The following RELN variants were observed in gnomAD, a reference collection of about 807,000 sequenced individuals.
RELN encodes the protein reelin.
In RELN, 108 loss-of-function variants were observed where a neutral mutation model predicts 427.6. The ratio of observed to expected loss-of-function variants is 0.25; its 90% CI spans 0.22 to 0.30. RELN has a LOEUF of 0.30. Among genes scored for constraint, RELN ranks in the 10% least tolerant of loss-of-function variants. RELN has a pLI of 1.00. For synonymous variants in RELN, 1,524 were observed against 1,513.4 expected (o/e 1.01, Z -0.16); for missense variants, 3,715 against 4,302.8 (o/e 0.86, Z 3.82).
intron 3 of RELN, 101 bp from the exon 4 acceptor site, chr7:103,776,728 G>T: frequency 3.4e-6 from 4 of 1,177,100 alleles, no homozygotes; most frequent in Non-Finnish European, 5.0e-6. Flanking sequence ...ACTTTATTGT[G>T]TGGATATGAT....
intron 3 of RELN, among the ~76,000 whole-genome samples, chr7:103,794,745 G>C (rs905573697): frequency 6.6e-6 from 1 of 151,992 alleles, no homozygotes; most frequent in Non-Finnish European, 1.5e-5. Flanking sequence ...TTTGCTGTAG[G>C]GGGGCTTTCC....
intron 3 of RELN, among the ~76,000 whole-genome samples, chr7:103,809,949 A>C (rs1792696004): frequency 6.6e-6 from 1 of 152,172 alleles, no homozygotes. Context: ...TTTTTAACCC[A>C]CTAAAACTCA....
In RELN at chr7:103,545,204, C is replaced by A; in HGVS notation, c.6443G>T (p.Cys2148Phe). Residue 2148 changes from cysteine to phenylalanine, a missense_variant, in exon 42 of 65, where the codon TGT (cysteine) becomes TTT (phenylalanine). Physicochemically the swap from Cys to Phe is radical, Grantham distance 205. Around this residue, in one of 4 missense-constraint regions of RELN, gnomAD observed 1,310 missense variants for 1,643.0 expected, o/e 0.80. Coordinates refer to ENST00000428762, the MANE Select transcript of RELN (RefSeq NM_005045.4). ...ACCTGAGTAGCCAGGGTCACATATA[C>A]ATTTGGTTCCATTGATACAGCTCCC... ...GQGSCINGTK[C>F]ICDPGYSGPT... 6.2e-7 allele frequency: 1 copy of A among 1,614,136 alleles called. No homozygotes were observed.
chr7:103,761,114 G>C (rs1477848960), intron 4 of RELN, among the ~76,000 whole-genome samples: 2 of 152,056 alleles, frequency 1.3e-5, no homozygotes, highest in Non-Finnish European at 2.9e-5. Flanking sequence ...TTCCCTCTCT[G>C]ATTTTCCACC....
At chr7:103,873,479 A>G (rs2116535297) in intron 2 of RELN, among the ~76,000 whole-genome samples, 1 of 91,266 alleles carries the variant, frequency 1.1e-5, no homozygotes, top group African/African-American at 3.9e-5. Context: ...AAAGAAAAAA[A>G]GAGAGAAGAA....
intron 3 of RELN, among the ~76,000 whole-genome samples, chr7:103,813,380 T>G (rs922302438): frequency 6.6e-6 from 1 of 152,144 alleles, no homozygotes; most frequent in Admixed American, 6.6e-5. Context: ...ACTTAAGCAA[T>G]TCTTCATGAA....
At chr7:103,854,182 C>T (rs903844941) in intron 2 of RELN, among the ~76,000 whole-genome samples, 1 of 152,090 alleles carries the variant, frequency 6.6e-6, no homozygotes, top group South Asian at 2.1e-4. Flanking sequence ...AACCTGTTTG[C>T]TTTTATCGAT....
chr7:103,493,214 G>A (rs1383705013), intron 57 of RELN, among the ~76,000 whole-genome samples: 2 of 152,166 alleles, frequency 1.3e-5, no homozygotes, highest in East Asian at 1.9e-4. Flanking sequence ...GGCCAGAAAG[G>A]AGGTGGTGAT....
rs139174650 is a variant in RELN at position 103,829,840 on chromosome 7, A to G, written c.473+3697T>C. On this transcript the variant is annotated intron_variant, in intron 3 of 64. Coordinates refer to ENST00000428762, the MANE Select transcript of RELN (RefSeq NM_005045.4). The stretch of plus-strand genomic sequence containing the variant: ...TCAGTTTAAATGCTTCCTAATTCTT[A>G]CTACGGGATTTTTAAAAAAGGATTT... Among the ~76,000 whole-genome samples the G allele has an allele frequency of 4.5e-4, 68 of 152,144 alleles. 3 individuals carry two copies. The highest frequency in any genetic ancestry group is 1.6e-3 in the African/African-American group (65 of 41,550).
chr7:103,956,823 A>G (rs898059315), intron 1 of RELN, among the ~76,000 whole-genome samples: 1 of 152,186 alleles, frequency 6.6e-6, no homozygotes, highest in Non-Finnish European at 1.5e-5. Flanking sequence ...TGGAATGTTA[A>G]AAGAGAACTG....
At chr7:103,784,359 C>G (rs931201134) in intron 3 of RELN, among the ~76,000 whole-genome samples, 1 of 152,106 alleles carries the variant, frequency 6.6e-6, no homozygotes, top group Non-Finnish European at 1.5e-5. Context: ...AATTCCTCAG[C>G]AGCCCTCACC....
intron 7 of RELN, among the ~76,000 whole-genome samples, chr7:103,727,909 A>G (rs1790254003): frequency 6.8e-6 from 1 of 146,642 alleles, no homozygotes. Context: ...TGATGCTGAC[A>G]ATTTTATTAC....
intron 40 of RELN, among the ~76,000 whole-genome samples, chr7:103,551,815 C>A (rs2711878): frequency 0.7 from 106,117 of 151,868 alleles, 37,280 homozygotes; most frequent in Middle Eastern, 0.83. Flanking sequence ...TTTTTTTAAA[C>A]TTATATATAC....
intron 2 of RELN, among the ~76,000 whole-genome samples, chr7:103,837,865 A>G (rs920163584): frequency 1.5e-4 from 23 of 152,164 alleles, no homozygotes; most frequent in Admixed American, 5.2e-4. Context: ...CATATCACAG[A>G]TTCTCAAGAA....
At chr7:103,942,153 T>C (rs1461466567) in intron 1 of RELN, among the ~76,000 whole-genome samples, 1 of 152,164 alleles carries the variant, frequency 6.6e-6, no homozygotes, top group Admixed American at 6.5e-5. Flanking sequence ...AATTTTGTGG[T>C]GAGAACATTT....
At chr7:103,856,705 G>A (rs1274538969) in intron 2 of RELN, among the ~76,000 whole-genome samples, 1 of 151,956 alleles carries the variant, frequency 6.6e-6, no homozygotes, top group Non-Finnish European at 1.5e-5. Flanking sequence ...AAGCATGTCT[G>A]TGCCTTTAAA....
At chr7:103,617,965 C>A (rs541233477) in intron 20 of RELN, among the ~76,000 whole-genome samples, 1 of 152,134 alleles carries the variant, frequency 6.6e-6, no homozygotes, top group Admixed American at 6.5e-5. Context: ...CCACTGGCTC[C>A]CCTTCTCCTT....
chr7:103,525,737 A>C (rs1181584940), intron 46 of RELN, among the ~76,000 whole-genome samples: 1 of 151,802 alleles, frequency 6.6e-6, no homozygotes, highest in Admixed American at 6.6e-5. Context: ...AGGGCAGAGA[A>C]TATCTCTGTA....
chr7:103,949,439 G>A (rs865960355), intron 1 of RELN, among the ~76,000 whole-genome samples: 2 of 151,932 alleles, frequency 1.3e-5, no homozygotes, highest in Admixed American at 1.3e-4. Context: ...GGGGACTTTG[G>A]GAGGTAATTA....
Sources: allele counts gnomAD v4.1 joint callset (sites outside exome capture counted in the v4.1 genomes callset), GRCh38; gene constraint gnomAD v4.1.1; regional missense constraint gnomAD v4.1.1; transcripts MANE v1.5; gene names NCBI Gene and HGNC (gene_info 2026-07-23, HGNC 2026-07-21).